CADM2: variants seen among roughly 807,000 people sequenced by gnomAD.
CADM2 encodes immunoglobulin superfamily member 4D.
A neutral mutation model predicts 49.8 loss-of-function variants in CADM2; 12 were observed. The observed-to-expected ratio is 0.24, with a 90% CI of 0.15 to 0.39. The LOEUF is 0.39. Among genes scored for constraint, CADM2 ranks in the 10% least tolerant of loss-of-function variants. The pLI, the probability that CADM2 is intolerant of heterozygous loss-of-function variation, is 1.00. For missense variants in CADM2, 378 were observed against 492.3 expected, an observed-to-expected ratio of 0.77 and a Z score of 2.20; for synonymous variants, 214 against 175.4, an observed-to-expected ratio of 1.22 and a Z score of -1.74.
intron 1 of CADM2, among the ~76,000 whole-genome samples, chr3:85,321,097 T>TATAC (rs2044589329): frequency 3.1e-5 from 1 of 31,820 alleles, no homozygotes; most frequent in Non-Finnish European, 7.0e-5. Context: ...TATACATATA[T>TATAC]ATATATATAT....
At chr3:85,472,415 C>A (rs1242722781) in intron 1 of CADM2, among the ~76,000 whole-genome samples, 1 of 151,810 alleles carries the variant, frequency 6.6e-6, no homozygotes, top group African/African-American at 2.4e-5. Flanking sequence ...CACACATACA[C>A]AGAGTGATAT....
At chr3:85,906,009 G>T (rs551102471) in intron 5 of CADM2, among the ~76,000 whole-genome samples, 1 of 152,246 alleles carries the variant, frequency 6.6e-6, no homozygotes, top group East Asian at 1.9e-4. Context: ...CAAATAGTTT[G>T]ATTACCAGAA....
chr3:85,049,171 G>T (rs2035781463), intron 1 of CADM2, among the ~76,000 whole-genome samples: 1 of 152,052 alleles, frequency 6.6e-6, no homozygotes, highest in Admixed American at 6.6e-5. Context: ...CGATCTTAGT[G>T]GGAACAATTG....
intron 1 of CADM2, among the ~76,000 whole-genome samples, chr3:85,524,488 G>T (rs2061112643): frequency 6.6e-6 from 1 of 152,070 alleles, no homozygotes; most frequent in South Asian, 2.1e-4. Context: ...ATTGTTCAAA[G>T]AATATACTTT....
intron 3 of CADM2, among the ~76,000 whole-genome samples, chr3:85,837,375 AT>A (rs1480326097): frequency 1.3e-5 from 2 of 151,620 alleles, no homozygotes; most frequent in Non-Finnish European, 3.0e-5. Context: ...ATAATATTAA[AT>A]ATAAAAAACA....
At chr3:85,249,494 T>C (rs2042726673) in intron 1 of CADM2, among the ~76,000 whole-genome samples, 1 of 152,044 alleles carries the variant, frequency 6.6e-6, no homozygotes, top group African/African-American at 2.4e-5. Flanking sequence ...ACAGACTATG[T>C]GATGGCTTCA....
chr3:84,967,145 G>A (rs976044423), intron 1 of CADM2, among the ~76,000 whole-genome samples: 7 of 151,998 alleles, frequency 4.6e-5, no homozygotes, highest in Non-Finnish European at 7.4e-5. Context: ...ATATGCTGCC[G>A]ACTGCTAAGT....
chr3:85,918,645 A>G (rs1328679187), intron 6 of CADM2, among the ~76,000 whole-genome samples: 1 of 151,898 alleles, frequency 6.6e-6, no homozygotes, highest in African/African-American at 2.4e-5. Flanking sequence ...CCAGGCAGAA[A>G]GAGAGTTCTT....
chr3:84,984,246 C>T (rs1473103133), intron 1 of CADM2, among the ~76,000 whole-genome samples: 1 of 150,632 alleles, frequency 6.6e-6, no homozygotes, highest in Non-Finnish European at 1.5e-5. Flanking sequence ...GTAACATGTC[C>T]AAAGACTGAA....
At chr3:85,403,503 G>A (rs2035219469) in intron 1 of CADM2, among the ~76,000 whole-genome samples, 2 of 152,078 alleles carry the variant, frequency 1.3e-5, no homozygotes. Flanking sequence ...GGTCTTCAGA[G>A]TCAGTGATTA....
At chr3:86,033,115 G>T (rs1193914211) in intron 8 of CADM2, among the ~76,000 whole-genome samples, 1 of 151,668 alleles carries the variant, frequency 6.6e-6, no homozygotes, top group African/African-American at 2.4e-5. Flanking sequence ...ACTCTCAGTT[G>T]CTGTACAAAC....
At chr3:85,760,924 GT>G (rs1369426377) in intron 2 of CADM2, among the ~76,000 whole-genome samples, 4 of 152,102 alleles carry the variant, frequency 2.6e-5, no homozygotes, top group Non-Finnish European at 5.9e-5. Context: ...TTTAAATATT[GT>G]GAACATGATT....
intron 1 of CADM2, among the ~76,000 whole-genome samples, chr3:85,679,866 C>T (rs1184903091): frequency 1.3e-5 from 2 of 152,206 alleles, no homozygotes; most frequent in South Asian, 2.1e-4. Context: ...GCATTTTCCT[C>T]TCTATTGGGT....
chr3:85,304,207 G>A (rs1195060327), intron 1 of CADM2, among the ~76,000 whole-genome samples: 1 of 151,768 alleles, frequency 6.6e-6, no homozygotes, highest in Non-Finnish European at 1.5e-5. Flanking sequence ...ATTTGTGATT[G>A]TCGATAGTTA....
intron 1 of CADM2, among the ~76,000 whole-genome samples, chr3:85,018,736 G>A (rs2034368232): frequency 6.6e-6 from 1 of 151,990 alleles, no homozygotes. Flanking sequence ...GTCTCCTATG[G>A]TAAGAACAAT....
chr3:85,181,613 C>T (rs988550471), intron 1 of CADM2, among the ~76,000 whole-genome samples: 16 of 151,810 alleles, frequency 1.1e-4, no homozygotes, highest in Non-Finnish European at 2.2e-4. Flanking sequence ...AAAATAAGGG[C>T]ATATTTAGTG....
chr3:86,041,282 C>A (rs1174072888), intron 8 of CADM2, among the ~76,000 whole-genome samples: 1 of 152,154 alleles, frequency 6.6e-6, no homozygotes, highest in Non-Finnish European at 1.5e-5. Flanking sequence ...AAGATACAGA[C>A]TGGCAAATTG....
chr3:85,429,305 A>G (rs2036561461), intron 1 of CADM2, among the ~76,000 whole-genome samples: 1 of 152,082 alleles, frequency 6.6e-6, no homozygotes. Flanking sequence ...ATATGTTAGA[A>G]AGCATTTTAT....
intron 8 of CADM2, among the ~76,000 whole-genome samples, chr3:85,980,852 CT>C (rs1212814247): frequency 1.3e-5 from 2 of 151,306 alleles, no homozygotes; most frequent in Non-Finnish European, 1.5e-5. Context: ...GATATATTGA[CT>C]TTTTTTAAAA....
Sources: allele counts gnomAD v4.1 joint callset (sites outside exome capture counted in the v4.1 genomes callset), GRCh38; gene constraint gnomAD v4.1.1; transcripts MANE v1.5; gene names NCBI Gene and HGNC (gene_info 2026-07-23, HGNC 2026-07-21).